The following PFDN4 variants were observed in gnomAD, a reference collection of about 807,000 sequenced individuals.
The protein encoded by PFDN4 is prefoldin 4.
Under a neutral mutation model 17.6 loss-of-function variants are expected in PFDN4, and 6 were observed. That is an observed-to-expected ratio of 0.34 (90% CI 0.19 to 0.67). The LOEUF (loss-of-function observed/expected upper bound fraction) is 0.67, where lower values mean the gene tolerates loss of function less well. Ranked by LOEUF, PFDN4 falls within the 30% of genes least tolerant of loss-of-function variation. The pLI is 0.68. For missense variants in PFDN4, 119 were observed against 158.4 expected (o/e 0.75, Z 1.33); for synonymous variants, 48 against 51.1 (o/e 0.94, Z 0.26).
Position 54,219,648 on chromosome 20 carries a change from AACAT to A in PFDN4, c.*504_*507del. 5.0e-6 allele frequency: 2 copies of A among 397,166 alleles called. No individual in the cohort carries two copies. The highest frequency in any genetic ancestry group is 8.9e-6 in the Non-Finnish European group (2 of 225,456). 24.6% of individuals were successfully genotyped at this position (397,166 alleles called of 1,614,324 possible). A position where few individuals can be genotyped will look rare whatever the true frequency, so the allele number is the denominator to read the frequency against. On this transcript the variant is annotated 3_prime_UTR_variant, in exon 4 of 4. Transcript: ENST00000371419. ...AAATATATGTTACATATTATATTTAAACATACATATTTAACATTTTTTACATATC... is the reference window on the plus strand; with the variant it reads ...AAATATATGTTACATATTATATTTAAACATATTTAACATTTTTTACATATC...
chr20:54,214,965 C>T (rs1177345265), intron 2 of PFDN4, among the ~76,000 whole-genome samples: 1 of 152,168 alleles, frequency 6.6e-6, no homozygotes, highest in African/African-American at 2.4e-5. Context: ...GCAAGCAAGG[C>T]TGAGAAATGT....
Position 54,219,571 on chromosome 20 carries a change from A to T in PFDN4, c.*421A>T. ...ACAATCCTGCATCCTTGCTTATTTC[A>T]CAACTAAAGCTTTGTCATAGACTTC... On this transcript the variant is annotated 3_prime_UTR_variant, in exon 4 of 4. Transcript: ENST00000371419. The T allele has an allele frequency of 2.5e-6, 1 of 393,576 alleles. No homozygotes were observed. The highest frequency in any genetic ancestry group is 3.6e-5 in the East Asian group (1 of 27,664). The allele number at this position is 393,576 out of a possible 1,614,324, so 24.4% of individuals were successfully genotyped here.
chr20:54,214,279 G>T (rs2092759722), intron 1 of PFDN4, 72 bp from the exon 2 acceptor site: 1 of 772,832 alleles, frequency 1.3e-6, no homozygotes, highest in Admixed American at 2.5e-5. Flanking sequence ...TTGAGTTATT[G>T]TTGAGAAATA....
chr20:54,210,476 C>CT (rs2092754304), intron 1 of PFDN4, among the ~76,000 whole-genome samples: 2 of 152,200 alleles, frequency 1.3e-5, no homozygotes, highest in African/African-American at 4.8e-5. Flanking sequence ...ATCTGGAGTA[C>CT]TTTACGTTTG....
chr20:54,212,217 A>G (rs1226952782), intron 1 of PFDN4, among the ~76,000 whole-genome samples: 2 of 151,260 alleles, frequency 1.3e-5, no homozygotes, highest in East Asian at 3.9e-4. Flanking sequence ...AAAATTACCC[A>G]CTTCTTGCCA....
intron 1 of PFDN4, among the ~76,000 whole-genome samples, chr20:54,211,112 A>C (rs1259751391): frequency 6.6e-6 from 1 of 152,204 alleles, no homozygotes; most frequent in African/African-American, 2.4e-5. Flanking sequence ...AAGAAGGTTG[A>C]ATACAAATAC....
In PFDN4 at chr20:54,208,233, C is replaced by CCCGAGG. The variant is rs543012705; in HGVS notation, c.24+124_24+129dup. 1,100 of 1,057,680 alleles carry CCCGAGG rather than the reference C, an allele frequency of 1.0e-3. 4 individuals carry two copies. Among genetic ancestry groups the CCCGAGG allele is most frequent in the South Asian group, 3.7e-3 (206 of 55,740 alleles). The allele number at this position is 1,057,680 out of a possible 1,614,324, so 65.5% of individuals were successfully genotyped here. ...CGCAGCTCCGAAGCCCGGCGTGGGA[C>CCCGAGG]CCGAGGCCGAGGCCGAGGCCCTGAG... On this transcript the variant is annotated intron_variant, in intron 1 of 3. Coordinates refer to ENST00000371419, the MANE Select transcript of PFDN4 (RefSeq NM_002623.4).
chr20:54,215,225 C>T, intron 2 of PFDN4, 75 bp from the exon 3 acceptor site: 1 of 1,063,336 alleles, frequency 9.4e-7, no homozygotes, highest in Non-Finnish European at 1.4e-6. Context: ...GAGTTGCTGT[C>T]CCCAAATTAC....
Position 54,212,098 on chromosome 20 carries a change from C to A in PFDN4, c.25-2253C>A, listed in dbSNP as rs534413427. Among the ~76,000 whole-genome samples the A allele has an allele frequency of 2.6e-5, 4 of 151,774 alleles. No individual in the cohort carries two copies. In the East Asian group the frequency reaches 7.7e-4, roughly 29 times the overall value. On this transcript the variant is annotated intron_variant, in intron 1 of 3. Coordinates refer to ENST00000371419, the MANE Select transcript of PFDN4 (RefSeq NM_002623.4). ...ATCTCAGCTACTTGGGAGGCTGAGGCAGGAGAATGGCTTGAACCCGGGAAG... is the reference window on the plus strand; with the variant it reads ...ATCTCAGCTACTTGGGAGGCTGAGGAAGGAGAATGGCTTGAACCCGGGAAG...
chr20:54,215,063 T>C (rs996735884), intron 2 of PFDN4, among the ~76,000 whole-genome samples: 4 of 152,222 alleles, frequency 2.6e-5, no homozygotes, highest in African/African-American at 7.2e-5. Context: ...TGAGTGACCA[T>C]GTGCCTGCTG....
At chr20:54,214,214 T>G in intron 1 of PFDN4, 137 bp from the exon 2 acceptor site, 1 of 564,758 alleles carries the variant, frequency 1.8e-6, no homozygotes, top group Non-Finnish European at 3.2e-6. Flanking sequence ...AAATAAGGCA[T>G]TTGTTATGTT....
rs115242878 is a variant in PFDN4, at chr20:54,211,682, T to A, written c.25-2669T>A. Among the ~76,000 whole-genome samples the A allele has an allele frequency of 2.4e-3, 364 of 152,302 alleles. 2 individuals are homozygous for A. The highest frequency in any genetic ancestry group is 8.3e-3 in the African/African-American group (343 of 41,558). On this transcript the variant is annotated intron_variant, in intron 1 of 3. Coordinates refer to ENST00000371419, the MANE Select transcript of PFDN4 (RefSeq NM_002623.4). ...CTCAGATACTATAGGATATGAGTTC[T>A]TCCTAGAGTTCTTCTGACTTTGAGA...
At chr20:54,209,218 C>T (rs1305710355) in intron 1 of PFDN4, among the ~76,000 whole-genome samples, 1 of 152,216 alleles carries the variant, frequency 6.6e-6, no homozygotes, top group African/African-American at 2.4e-5. Context: ...CATTTAAACA[C>T]AGGCATTCTG....
chr20:54,215,554 T>C (rs1192498703), intron 3 of PFDN4, 114 bp downstream of exon 3: 1 of 669,106 alleles, frequency 1.5e-6, no homozygotes. Flanking sequence ...TGCCTTGTTA[T>C]GTCCCAGGCA....
chr20:54,213,169 A>G lies in PFDN4; in HGVS notation c.25-1182A>G, dbSNP rs6013928. ...TTGTGAGCTCATTACTGTTACTGCA[A>G]AAGAGCCAAAAGTAGTGTTTCAGTA... On this transcript the variant is annotated intron_variant, in intron 1 of 3. Transcript: ENST00000371419. Among the ~76,000 whole-genome samples the G allele has an allele frequency of 3.2e-4, 49 of 152,352 alleles. 1 individual carries two copies. Among genetic ancestry groups the G allele is most frequent in the African/African-American group, 1.2e-3 (48 of 41,582 alleles).
At position 54,213,405 on chromosome 20, in the gene PFDN4, ACACT is replaced by A. The variant is rs2092758550; in HGVS notation, c.25-942_25-939del. ...TCCAGATGTGCCTAAGCCTGTGTAC[ACACT>A]CACACACACACGTGCACACTCACAG... On this transcript the variant is annotated intron_variant, in intron 1 of 3. Transcript: ENST00000371419. Among the ~76,000 whole-genome samples the A allele has an allele frequency of 2.0e-5, 3 of 151,948 alleles. No homozygotes were observed. The South Asian group carries it at 6.2e-4, about 31-fold the overall frequency.
At chr20:54,217,052 G>A (rs747552190) in intron 3 of PFDN4, among the ~76,000 whole-genome samples, 11 of 152,218 alleles carry the variant, frequency 7.2e-5, no homozygotes, top group Non-Finnish European at 1.6e-4. Context: ...GATAATTGGG[G>A]ACAACAAAAC....
chr20:54,212,177 A>G (rs6013927), intron 1 of PFDN4, among the ~76,000 whole-genome samples: 13,742 of 148,496 alleles, frequency 0.093, 774 homozygotes, highest in East Asian at 0.22. Context: ...TGGGCGACAG[A>G]GTGAGACTCT....
intron 3 of PFDN4, among the ~76,000 whole-genome samples, chr20:54,217,420 G>T (rs2146543453): frequency 6.6e-6 from 1 of 152,288 alleles, no homozygotes; most frequent in Admixed American, 6.5e-5. Context: ...CCACATCTTG[G>T]AGAACTCCAG....
Sources: allele counts gnomAD v4.1 joint callset (sites outside exome capture counted in the v4.1 genomes callset), GRCh38; gene constraint gnomAD v4.1.1; transcripts MANE v1.5; gene names NCBI Gene and HGNC (gene_info 2026-07-23, HGNC 2026-07-21).